PRR16: variants seen among roughly 807,000 people sequenced by gnomAD.
PRR16 encodes protein Largen.
PRR16 carries 6 observed loss-of-function variants against 18.2 expected under a neutral mutation model. The ratio of observed to expected loss-of-function variants is 0.33; its 90% CI spans 0.18 to 0.65. PRR16 has a LOEUF of 0.65. PRR16 is among the 30% of genes least tolerant of loss of function. PRR16 has a pLI of 0.74. For missense variants in PRR16, 412 were observed against 376.6 expected (o/e 1.09, Z -0.78); for synonymous variants, 151 against 147.8 (o/e 1.02, Z -0.16).
chr5:120,683,079 C>T (rs1256066364), intron 1 of PRR16, among the ~76,000 whole-genome samples: 1 of 151,822 alleles, frequency 6.6e-6, no homozygotes, highest in Non-Finnish European at 1.5e-5. Flanking sequence ...ATTTTGAGGG[C>T]CTAAAGAATA....
chr5:120,700,317 T>G, the PRR16 span, among the ~76,000 whole-genome samples: 1 of 152,078 alleles, frequency 6.6e-6, no homozygotes, highest in Admixed American at 6.6e-5. Context: ...TTTTAAAGCG[T>G]GCTGCGGGAT....
the PRR16 span, among the ~76,000 whole-genome samples, chr5:120,753,395 C>A: frequency 6.6e-6 from 1 of 151,880 alleles, no homozygotes. Context: ...AGGTACGTAA[C>A]TGAGCCAAGA....
chr5:120,465,517 TC>T (rs1749047821), intron 1 of PRR16: 2 of 152,424 alleles, frequency 1.3e-5, no homozygotes, highest in Non-Finnish European at 2.9e-5. Context: ...CCCCAGGTGA[TC>T]CAGATGGAAA....
At chr5:120,534,437 A>G (rs1012054654) in intron 1 of PRR16, among the ~76,000 whole-genome samples, 3 of 152,210 alleles carry the variant, frequency 2.0e-5, no homozygotes, top group African/African-American at 7.2e-5. Context: ...CCTAATAGAA[A>G]TGCTCATGTT....
chr5:120,494,066 G>A (rs1580644893), intron 1 of PRR16, among the ~76,000 whole-genome samples: 1 of 152,074 alleles, frequency 6.6e-6, no homozygotes, highest in African/African-American at 2.4e-5. Flanking sequence ...TACAATTACT[G>A]GATCAAATGC....
intron 1 of PRR16, among the ~76,000 whole-genome samples, chr5:120,476,796 C>T (rs1254656942): frequency 6.6e-6 from 1 of 152,006 alleles, no homozygotes; most frequent in Non-Finnish European, 1.5e-5. Context: ...TTTCTCAGTT[C>T]TTCTTTACAA....
the PRR16 span, among the ~76,000 whole-genome samples, chr5:120,700,685 A>T: frequency 0.058 from 8,844 of 152,080 alleles, 324 homozygotes; most frequent in South Asian, 0.087. Flanking sequence ...TACCCACAAC[A>T]GTTATGGAGG....
chr5:120,534,980 T>C (rs1751667261), intron 1 of PRR16, among the ~76,000 whole-genome samples: 1 of 152,232 alleles, frequency 6.6e-6, no homozygotes, highest in African/African-American at 2.4e-5. Context: ...TTTAAAAGTA[T>C]GTATCGTGAG....
chr5:120,501,927 G>C (rs1750468658), intron 1 of PRR16, among the ~76,000 whole-genome samples: 1 of 126,652 alleles, frequency 7.9e-6, no homozygotes, highest in South Asian at 2.5e-4. Flanking sequence ...CTGCACTCCA[G>C]CCTGGGCGAC....
the PRR16 span, among the ~76,000 whole-genome samples, chr5:120,707,223 A>C: frequency 5.3e-5 from 8 of 152,298 alleles, no homozygotes; most frequent in Non-Finnish European, 1.2e-4. Context: ...TTACTTACTA[A>C]GAGCCTGAGG....
the PRR16 span, among the ~76,000 whole-genome samples, chr5:120,729,560 T>G: frequency 6.6e-6 from 1 of 152,168 alleles, no homozygotes; most frequent in Non-Finnish European, 1.5e-5. Context: ...ATTTGTTTGC[T>G]TATTGTCTAT....
Position 120,574,430 on chromosome 5 carries a change from C to G in PRR16, c.159+109785C>G, listed in dbSNP as rs978948762. 2.6e-5 allele frequency among the ~76,000 whole-genome samples: 4 copies of G among 152,030 alleles called. No homozygotes were observed. The East Asian group carries it at 7.7e-4, about 29-fold the overall frequency. On this transcript the variant is annotated intron_variant, in intron 1 of 1. Coordinates refer to ENST00000407149, the MANE Select transcript of PRR16 (RefSeq NM_001300783.2). ...ACCAGCCTGGCCAACATAGCAAAAC[C>G]CTGTCTCTGCTAAAAATACAAAAAT...
At chr5:120,670,312 A>T (rs184520940) in intron 1 of PRR16, among the ~76,000 whole-genome samples, 1 of 152,162 alleles carries the variant, frequency 6.6e-6, no homozygotes, top group East Asian at 1.9e-4. Context: ...CTCTGTTTTC[A>T]TAAAGAAAAA....
At chr5:120,468,654 A>C (rs766587692) in intron 1 of PRR16, among the ~76,000 whole-genome samples, 3 of 152,222 alleles carry the variant, frequency 2.0e-5, no homozygotes, top group African/African-American at 4.8e-5. Flanking sequence ...TCTTTTATGA[A>C]GATCTCACTG....
At chr5:120,633,914 T>A (rs542069602) in intron 1 of PRR16, among the ~76,000 whole-genome samples, 1 of 152,200 alleles carries the variant, frequency 6.6e-6, no homozygotes, top group South Asian at 2.1e-4. Context: ...AACAATGGAC[T>A]TAAATTATAC....
At chr5:120,670,824 A>C (rs1002140472) in intron 1 of PRR16, among the ~76,000 whole-genome samples, 1 of 152,168 alleles carries the variant, frequency 6.6e-6, no homozygotes, top group Non-Finnish European at 1.5e-5. Flanking sequence ...TCACTAACGC[A>C]AAAATAATAT....
intron 1 of PRR16, among the ~76,000 whole-genome samples, chr5:120,473,424 C>G (rs1749333114): frequency 6.6e-6 from 1 of 152,012 alleles, no homozygotes; most frequent in Non-Finnish European, 1.5e-5. Context: ...TCAAATTGCT[C>G]TGCTGTGCAA....
intron 1 of PRR16, among the ~76,000 whole-genome samples, chr5:120,467,660 G>A (rs1415476307): frequency 2.0e-5 from 3 of 152,068 alleles, no homozygotes; most frequent in Non-Finnish European, 2.9e-5. Flanking sequence ...AAGAAGAGTT[G>A]TTATTTTGGG....
intron 1 of PRR16, among the ~76,000 whole-genome samples, chr5:120,556,392 G>A (rs750829160): frequency 9.9e-5 from 15 of 151,584 alleles, no homozygotes; most frequent in Non-Finnish European, 1.8e-4. Flanking sequence ...AGCCCATGTC[G>A]ACTTTTACGT....
Sources: allele counts gnomAD v4.1 joint callset (sites outside exome capture counted in the v4.1 genomes callset), GRCh38; gene constraint gnomAD v4.1.1; transcripts MANE v1.5; gene names NCBI Gene and HGNC (gene_info 2026-07-23, HGNC 2026-07-21).